CFAP58: variants seen among roughly 807,000 people sequenced by gnomAD.
CFAP58 encodes cilia- and flagella-associated protein 58.
Under a neutral mutation model 119.5 loss-of-function variants are expected in CFAP58, and 88 were observed. That is an observed-to-expected ratio of 0.74 (90% CI 0.62 to 0.88). CFAP58 has a LOEUF of 0.88. CFAP58 is among the 40% of genes least tolerant of loss of function. CFAP58 has a pLI of 0.00. For synonymous variants in CFAP58, 365 were observed against 366.3 expected, an observed-to-expected ratio of 1.00 and a Z score of 0.04; for missense variants, 990 against 1,021.2, an observed-to-expected ratio of 0.97 and a Z score of 0.42.
At chr10:104,375,796 G>T (rs12269518) in intron 7 of CFAP58, among the ~76,000 whole-genome samples, 4,634 of 149,870 alleles carry the variant, frequency 0.031, 160 homozygotes, top group African/African-American at 0.086. Flanking sequence ...GGTCGGGGGG[G>T]GCTTCCATGC....
chr10:104,404,888 C>T (rs1333751402), intron 14 of CFAP58, among the ~76,000 whole-genome samples: 5 of 152,172 alleles, frequency 3.3e-5, no homozygotes, highest in Admixed American at 6.5e-5. Flanking sequence ...TGAGCCACCA[C>T]GCCCAGGCTT....
chr10:104,451,984 T>A (rs2013202959), intron 17 of CFAP58, among the ~76,000 whole-genome samples: 1 of 152,046 alleles, frequency 6.6e-6, no homozygotes. Flanking sequence ...AGTGATCTGC[T>A]GGCCTTGGCC....
At chr10:104,425,113 C>T (rs1226907434) in intron 15 of CFAP58, among the ~76,000 whole-genome samples, 1 of 152,184 alleles carries the variant, frequency 6.6e-6, no homozygotes, top group East Asian at 1.9e-4. Flanking sequence ...CTGATTTAAA[C>T]TGCCTAGGAT....
chr10:104,453,182 G>A (rs1159247480), intron 17 of CFAP58, among the ~76,000 whole-genome samples: 1 of 152,044 alleles, frequency 6.6e-6, no homozygotes, highest in Non-Finnish European at 1.5e-5. Context: ...GAGTGATGCC[G>A]CCTCTAACAC....
chr10:104,358,034 T>A (rs2014612014), intron 1 of CFAP58, among the ~76,000 whole-genome samples: 1 of 149,052 alleles, frequency 6.7e-6, no homozygotes, highest in Non-Finnish European at 1.5e-5. Flanking sequence ...TATATACATA[T>A]GTACATATAC....
At chr10:104,451,936 G>C (rs982171578) in intron 17 of CFAP58, among the ~76,000 whole-genome samples, 1 of 144,376 alleles carries the variant, frequency 6.9e-6, no homozygotes, top group African/African-American at 2.6e-5. Context: ...ACAGTGTTTT[G>C]TCATGTTGGC....
chr10:104,443,909 G>A (rs927992158), intron 15 of CFAP58, among the ~76,000 whole-genome samples: 8 of 152,180 alleles, frequency 5.3e-5, no homozygotes, highest in Non-Finnish European at 8.8e-5. Context: ...ACAATGAGAT[G>A]TGTGATTACC....
intron 2 of CFAP58, among the ~76,000 whole-genome samples, chr10:104,360,007 G>A (rs1419178382): frequency 6.6e-6 from 1 of 152,150 alleles, no homozygotes; most frequent in Non-Finnish European, 1.5e-5. Context: ...CTGACATTTT[G>A]CTTTGAATCA....
intron 16 of CFAP58, 75 bp downstream of exon 16, chr10:104,447,892 G>A: frequency 6.7e-7 from 1 of 1,482,728 alleles, no homozygotes; most frequent in Non-Finnish European, 9.0e-7. Flanking sequence ...CAAGTCCACT[G>A]ACTCCACACA....
At chr10:104,375,236 A>G (rs1005264626) in intron 7 of CFAP58, among the ~76,000 whole-genome samples, 50 of 150,226 alleles carry the variant, frequency 3.3e-4, no homozygotes, top group African/African-American at 1.2e-3. Flanking sequence ...TTACAAATAT[A>G]TATATAAATA....
intron 13 of CFAP58, among the ~76,000 whole-genome samples, chr10:104,402,233 A>G (rs572700104): frequency 6.6e-6 from 1 of 152,320 alleles, no homozygotes; most frequent in South Asian, 2.1e-4. Flanking sequence ...TGTGCCTAGT[A>G]TAGAGTCTAG....
intron 1 of CFAP58, among the ~76,000 whole-genome samples, chr10:104,357,890 A>C (rs2007690): frequency 0.86 from 113,755 of 132,226 alleles, 48,960 homozygotes; most frequent in Non-Finnish European, 0.92. Flanking sequence ...CACATATATA[A>C]ACATATATGT....
intron 8 of CFAP58, among the ~76,000 whole-genome samples, chr10:104,377,727 T>A (rs926660673): frequency 6.6e-6 from 1 of 152,218 alleles, no homozygotes; most frequent in Admixed American, 6.5e-5. Context: ...TCATTAATTC[T>A]TTAGGTTTCC....
Position 104,450,204 on chromosome 10 carries a change from A to C in CFAP58, c.2510A>C (p.Lys837Thr). 1 of 1,611,426 alleles carries C rather than the reference A, an allele frequency of 6.2e-7. No homozygotes were observed. Among genetic ancestry groups the C allele is most frequent in the Non-Finnish European group, 8.5e-7 (1 of 1,179,470 alleles). ...CAGAAACGTAAAGAACAACTTCAAA[A>C]GTAAGAATTAGTCAAACGTCCTAAT... The part of the protein sequence containing the change: ...LAQKRKEQLQ[K>T]NKDTAPMDNT... The change falls in exon 17 of 18, where the codon AAA becomes ACA. Residue 837 changes from lysine to threonine, a missense_variant and splice_region_variant. By Grantham distance (78) the Lys-to-Thr change is moderately conservative. Coordinates refer to ENST00000369704, the MANE Select transcript of CFAP58 (RefSeq NM_001008723.2).
chr10:104,426,648 T>C (rs1458657738), intron 15 of CFAP58, among the ~76,000 whole-genome samples: 1 of 152,238 alleles, frequency 6.6e-6, no homozygotes, highest in Middle Eastern at 3.2e-3. Context: ...AATCCTTTCG[T>C]TCCATTTCAC....
At chr10:104,400,508 A>G (rs780312408) in intron 12 of CFAP58, among the ~76,000 whole-genome samples, 172 bp from the exon 13 acceptor site, 2 of 152,152 alleles carry the variant, frequency 1.3e-5, no homozygotes, top group Non-Finnish European at 2.9e-5. Flanking sequence ...CAAAAACTCT[A>G]ATGGGAGGGG....
chr10:104,367,122 G>A (rs1312151989), intron 5 of CFAP58, among the ~76,000 whole-genome samples: 1 of 152,082 alleles, frequency 6.6e-6, no homozygotes, highest in African/African-American at 2.4e-5. Flanking sequence ...GCCTCCCAGG[G>A]TGCTAGGATT....
At position 104,454,117 on chromosome 10, in the gene CFAP58, G is replaced by A. The variant is rs77872576; in HGVS notation, c.2511-305G>A. ...GACTGATCTTTGGAGCTAAACAAAT[G>A]TTTTATAAAACAGGAAGATGATTCC... On this transcript the variant is annotated intron_variant, in intron 17 of 17. Coordinates refer to ENST00000369704, the MANE Select transcript of CFAP58 (RefSeq NM_001008723.2). Among the ~76,000 whole-genome samples the A allele has an allele frequency of 5.5e-3, 832 of 152,256 alleles. 6 individuals are homozygous for A. The highest frequency in any genetic ancestry group is 0.019 in the African/African-American group (796 of 41,560).
intron 15 of CFAP58, among the ~76,000 whole-genome samples, chr10:104,421,387 G>A (rs2012656131): frequency 6.6e-6 from 1 of 152,200 alleles, no homozygotes; most frequent in South Asian, 2.1e-4. Context: ...GTCACATACT[G>A]CTGATGGCCC....
Sources: gnomAD v4.1 joint callset for allele counts (sites outside exome capture counted in the v4.1 genomes callset) on GRCh38, gnomAD v4.1.1 for gene constraint, MANE v1.5 for transcripts, NCBI Gene and HGNC (gene_info 2026-07-23, HGNC 2026-07-21) for gene names.